The following ZYX variants were observed in gnomAD, a reference collection of about 807,000 sequenced individuals.
The protein encoded by ZYX is zyxin.
In ZYX, 37 loss-of-function variants were observed where a neutral mutation model predicts 58.1. The ratio of observed to expected loss-of-function variants is 0.64; its 90% CI spans 0.49 to 0.84. ZYX has a LOEUF of 0.84. Among genes scored for constraint, ZYX ranks in the 40% least tolerant of loss-of-function variants. The probability of loss-of-function intolerance (pLI) is 0.00; values close to 1 mark genes in which losing one functional copy is unlikely to be tolerated. For synonymous variants in ZYX, 324 were observed against 321.1 expected, an observed-to-expected ratio of 1.01 and a Z score of -0.10; for missense variants, 762 against 761.6, an observed-to-expected ratio of 1.00 and a Z score of -0.01.
chr7:143,381,388 G>A lies in ZYX; in HGVS notation c.-37G>A, dbSNP rs1285884397. 1.7e-6 allele frequency: 2 copies of A among 1,184,548 alleles called. No individual in the cohort carries two copies. Among genetic ancestry groups the A allele is most frequent in the Non-Finnish European group, 2.1e-6 (2 of 955,816 alleles). 73.4% of individuals were successfully genotyped at this position (1,184,548 alleles called of 1,614,324 possible). ...GCGCCGAGGCGGCCACCCGAGACGC[G>A]GCGCGCACGCTCCGGCCTGCGGTGA... On this transcript the variant is annotated 5_prime_UTR_variant, in exon 1 of 10. Transcript: ENST00000322764.
At position 143,387,842 on chromosome 7, in the gene ZYX, C is replaced by T. The variant is rs1348510331; in HGVS notation, c.1024-377C>T. Reference sequence around the variant, plus strand: ...ATTGCGTGCCCCTGTCCCATGGGGGCGATGTCCGAGCATGCTCTGTGGAGT... The same window carrying T: ...ATTGCGTGCCCCTGTCCCATGGGGGTGATGTCCGAGCATGCTCTGTGGAGT... On this transcript the variant is annotated intron_variant, in intron 5 of 9. Transcript: ENST00000322764. This position sits in a 1 kb window ranked among gnomAD's most constrained non-coding sequence, Gnocchi z 5.8. 2.5e-5 allele frequency: 12 copies of T among 482,764 alleles called. No individual in the cohort carries two copies. The highest frequency in any genetic ancestry group is 9.3e-5 in the South Asian group (6 of 64,640). 29.9% of individuals were successfully genotyped at this position (482,764 alleles called of 1,614,324 possible). A position where few individuals can be genotyped will look rare whatever the true frequency, so the allele number is the denominator to read the frequency against.
Position 143,388,532 on chromosome 7 carries a change from A to T in ZYX, c.1188A>T (p.Pro396=). The T allele has an allele frequency of 6.2e-7, 1 of 1,610,646 alleles. No homozygotes were observed. Among genetic ancestry groups the T allele is most frequent in the Non-Finnish European group, 8.5e-7 (1 of 1,179,920 alleles). Residue 396 remains proline (P), a synonymous_variant, in exon 7 of 10, where the codon CCA becomes CCT. Transcript: ENST00000322764. The surrounding 1 kb of genome is among the most constrained non-coding windows in gnomAD (Gnocchi z 7.5). ...ATCAACCCCTGGCCCGGGCGCAGCC[A>T]GCCGTCCGCGCTCTAGGGCAGCTGT... is the stretch of plus-strand genomic sequence containing the variant. The part of the protein sequence containing the change: ...RCHQPLARAQ[P]AVRALGQLFH...
At position 143,388,877 on chromosome 7, in the gene ZYX, C is replaced by G. The variant is rs1289894540; in HGVS notation, c.1425C>G (p.Arg475=). ...PHCFTCVVCA[R]PLEGTSFIVD... The stretch of plus-strand genomic sequence containing the variant: ...GCTTCACCTGTGTGGTCTGCGCCCG[C>G]CCCCTGGAGGGCACCTCCTTCATCG... The change falls in exon 8 of 10, where the codon CGC becomes CGG. Residue 475 remains arginine, a synonymous_variant. Transcript: ENST00000322764. This position sits in a 1 kb window ranked among gnomAD's most constrained non-coding sequence, Gnocchi z 7.5. 6.2e-7 allele frequency: 1 copy of G among 1,613,850 alleles called. No individual in the cohort carries two copies.
rs1370038200 is a variant in ZYX, at chr7:143,388,800, C to G, written c.1348C>G (p.Pro450Ala). The change falls in exon 8 of 10, where the codon CCC becomes GCC. Residue 450 changes from proline (P) to alanine (A), a missense_variant. Physicochemically the swap from Pro to Ala is conservative, Grantham distance 27 (BLOSUM62 -1). Transcript: ENST00000322764. The surrounding 1 kb of genome is among the most constrained non-coding windows in gnomAD (Gnocchi z 7.5). ...GGAGAAGTGTAACACCTGCGGGGAG[C>G]CCATCACTGACCGCATGCTGAGGGC... ...TLEKCNTCGE[P>A]ITDRMLRATG... The G allele has an allele frequency of 1.2e-6, 2 of 1,614,018 alleles. No individual in the cohort carries two copies. The highest frequency in any genetic ancestry group is 1.7e-6 in the Non-Finnish European group (2 of 1,179,956).
chr7:143,388,445 A>T lies in ZYX; in HGVS notation c.1145-44A>T, dbSNP rs1214894641. 6.2e-7 allele frequency: 1 copy of T among 1,606,636 alleles called. No homozygotes were observed. The highest frequency in any genetic ancestry group is 8.5e-7 in the Non-Finnish European group (1 of 1,174,960). On this transcript the variant is annotated intron_variant, in intron 6 of 9. Transcript: ENST00000322764. This position sits in a 1 kb window ranked among gnomAD's most constrained non-coding sequence, Gnocchi z 7.5. ...GAGCTGGCTGATCCCTCGCAGCTCT[A>T]CATACTTCCTTCTATTTACTGCTGT...
chr7:143,387,811 C>T lies in ZYX; in HGVS notation c.1024-408C>T. On this transcript the variant is annotated intron_variant, in intron 5 of 9. Coordinates refer to ENST00000322764, the MANE Select transcript of ZYX (RefSeq NM_003461.5). The surrounding 1 kb of genome is among the most constrained non-coding windows in gnomAD (Gnocchi z 5.8). ...GGGTAGGTGTGTGTGCGCGTGTGTG[C>T]ACGCCATTGCGTGCCCCTGTCCCAT... 1 of 475,764 alleles carries T rather than the reference C, an allele frequency of 2.1e-6. No homozygotes were observed. Among genetic ancestry groups the T allele is most frequent in the Non-Finnish European group, 4.3e-6 (1 of 230,366 alleles). 29.5% of individuals were successfully genotyped at this position (475,764 alleles called of 1,614,324 possible).
In ZYX at chr7:143,383,036, C is replaced by G; in HGVS notation, c.737C>G (p.Ser246Cys). 6.2e-7 allele frequency: 1 copy of G among 1,614,138 alleles called. No homozygotes were observed. The highest frequency in any genetic ancestry group is 8.5e-7 in the Non-Finnish European group (1 of 1,180,010). ...LHVQSQTQPV[S>C]LANTQPRGPP... is the part of the protein sequence containing the mutation. ...GTCCAGTCCCAGACCCAGCCTGTGTCTTTGGCTAACACCCAGCCCCGAGGG... is the reference window on the plus strand; with the variant it reads ...GTCCAGTCCCAGACCCAGCCTGTGTGTTTGGCTAACACCCAGCCCCGAGGG... Residue 246 changes from serine (S) to cysteine (C), a missense_variant, in exon 5 of 10, where the codon TCT becomes TGT. Coordinates refer to ENST00000322764, the MANE Select transcript of ZYX (RefSeq NM_003461.5).
chr7:143,382,235 C>T lies in ZYX; in HGVS notation c.209-13C>T, dbSNP rs1563105686. 2 of 1,610,850 alleles carry T rather than the reference C, an allele frequency of 1.2e-6. No homozygotes were observed. The highest frequency in any genetic ancestry group is 1.1e-5 in the South Asian group (1 of 90,838). ...AGGGACCCCGGCCGACGTCTTTCTC[C>T]TTCCTACCCCAGACTTTCCCCTGCC... On this transcript the variant is annotated splice_polypyrimidine_tract_variant and intron_variant, in intron 2 of 9. Transcript: ENST00000322764.
Position 143,381,396 on chromosome 7 carries a change from C to T in ZYX, c.-29C>T. On this transcript the variant is annotated 5_prime_UTR_variant, in exon 1 of 10. It adds an upstream start codon to the 5' untranslated region. Transcript: ENST00000322764. ...GCGGCCACCCGAGACGCGGCGCGCA[C>T]GCTCCGGCCTGCGGTGAGGCGCGGG... 1.2e-5 allele frequency: 14 copies of T among 1,193,132 alleles called. No individual in the cohort carries two copies. The highest frequency in any genetic ancestry group is 4.0e-5 in the South Asian group (1 of 25,028). 73.9% of individuals were successfully genotyped at this position (1,193,132 alleles called of 1,614,324 possible).
rs71528913 is a variant in ZYX at position 143,388,545 on chromosome 7, C to G, written c.1201C>G (p.Leu401Val). 4.0e-5 allele frequency: 65 copies of G among 1,611,348 alleles called. No individual in the cohort carries two copies. In the Middle Eastern group the frequency reaches 6.6e-4, roughly 16 times the overall value. ...CCGGGCGCAGCCAGCCGTCCGCGCT[C>G]TAGGGCAGCTGTTCCACATCGCCTG... The part of the protein sequence containing the change: ...LARAQPAVRA[L>V]GQLFHIACFT... The change falls in exon 7 of 10, where the codon CTA (leucine) becomes GTA (valine). Residue 401 changes from leucine to valine, a missense_variant. Leu to Val is a conservative substitution (Grantham distance 32, BLOSUM62 1). Transcript: ENST00000322764. This position sits in a 1 kb window ranked among gnomAD's most constrained non-coding sequence, Gnocchi z 7.5.
chr7:143,390,778 C>T lies in ZYX; in HGVS notation c.*96C>T, dbSNP rs1383140905. ...CCCACCTCAGTTATTGTTTTGATGT[C>T]TAGCCCCTCCCATTTCCAACCCCTC... On this transcript the variant is annotated 3_prime_UTR_variant, in exon 10 of 10. Transcript: ENST00000322764. This position sits in a 1 kb window ranked among gnomAD's most constrained non-coding sequence, Gnocchi z 4.3. The T allele has an allele frequency of 1.1e-6, 1 of 946,596 alleles. No individual in the cohort carries two copies. The highest frequency in any genetic ancestry group is 1.6e-6 in the Non-Finnish European group (1 of 614,762). 58.6% of individuals were successfully genotyped at this position (946,596 alleles called of 1,614,324 possible). A position where few individuals can be genotyped will look rare whatever the true frequency, so the allele number is the denominator to read the frequency against.
In ZYX at chr7:143,388,619, C is replaced by T; in HGVS notation, c.1275C>T (p.Tyr425=). ...AGCAGCTCCAGGGCCAGCAGTTCTA[C>T]AGTCTGGAGGGGGCGCCGTACTGCG... ...CAQQLQGQQF[Y]SLEGAPYCEG... Residue 425 remains tyrosine, a synonymous_variant, in exon 7 of 10, where the codon TAC becomes TAT. Transcript: ENST00000322764. The surrounding 1 kb of genome is among the most constrained non-coding windows in gnomAD (Gnocchi z 7.5). 6.2e-7 allele frequency: 1 copy of T among 1,613,530 alleles called. No homozygotes were observed. The highest frequency in any genetic ancestry group is 8.5e-7 in the Non-Finnish European group (1 of 1,179,978).
Position 143,389,807 on chromosome 7 carries a change from C to G in ZYX, c.1494-50C>G. 2 of 1,607,086 alleles carry G rather than the reference C, an allele frequency of 1.2e-6. No individual in the cohort carries two copies. On this transcript the variant is annotated intron_variant, in intron 8 of 9. Transcript: ENST00000322764. The surrounding 1 kb of genome is among the most constrained non-coding windows in gnomAD (Gnocchi z 5.6). ...CAACCTGGCTTATGCGTGCGCACACCGGGGATGAAAGCCCTGGCTAACTCG... is the reference window on the plus strand; with the variant it reads ...CAACCTGGCTTATGCGTGCGCACACGGGGGATGAAAGCCCTGGCTAACTCG...
Position 143,383,224 on chromosome 7 carries a change from C to G in ZYX, c.925C>G (p.Pro309Ala). The G allele has an allele frequency of 3.7e-6, 6 of 1,614,162 alleles. No individual in the cohort carries two copies. The South Asian group carries it at 5.5e-5, about 15-fold the overall frequency. ...AGCTCTTTCTGCTGGCACAGGCTCCCCTCAACCTCCCAGCTTCACCTATGC... is the reference window on the plus strand; with the variant it reads ...AGCTCTTTCTGCTGGCACAGGCTCCGCTCAACCTCCCAGCTTCACCTATGC... ...PEALSAGTGS[P>A]QPPSFTYAQQ... is the part of the protein sequence containing the mutation. The change falls in exon 5 of 10, where the codon CCT (proline) becomes GCT (alanine). Residue 309 changes from proline (P) to alanine (A), a missense_variant. Pro to Ala is a conservative substitution (Grantham distance 27). Coordinates refer to ENST00000322764, the MANE Select transcript of ZYX (RefSeq NM_003461.5).
intron 5 of ZYX, among the ~76,000 whole-genome samples, chr7:143,386,351 G>A (rs1359031501): frequency 6.6e-6 from 1 of 152,030 alleles, no homozygotes. Flanking sequence ...AGCTTAAGCT[G>A]GCTGGCTTCC....
At position 143,390,184 on chromosome 7, in the gene ZYX, G is replaced by A; in HGVS notation, c.1614+207G>A. ...GCTGTGGGGCTTCTGAGGTCACTTT[G>A]AGTCATGGATAAGCCAAGAAATGGG... On this transcript the variant is annotated intron_variant, in intron 9 of 9. Coordinates refer to ENST00000322764, the MANE Select transcript of ZYX (RefSeq NM_003461.5). The surrounding 1 kb of genome is among the most constrained non-coding windows in gnomAD (Gnocchi z 4.3). The A allele has an allele frequency of 6.1e-6, 4 of 656,340 alleles. No homozygotes were observed. Among genetic ancestry groups the A allele is most frequent in the South Asian group, 3.9e-5 (2 of 51,942 alleles). 40.7% of individuals were successfully genotyped at this position (656,340 alleles called of 1,614,324 possible). A position where few individuals can be genotyped will look rare whatever the true frequency, so the allele number is the denominator to read the frequency against.
At position 143,390,576 on chromosome 7, in the gene ZYX, AGGACTGCG is replaced by A; in HGVS notation, c.1617_1624del (p.Asp539GlufsTer6). The A allele has an allele frequency of 6.4e-7, 1 of 1,560,950 alleles. No homozygotes were observed. Among genetic ancestry groups the A allele is most frequent in the Non-Finnish European group, 8.7e-7 (1 of 1,151,588 alleles). ...GTGCCCCTCACCCTTCCTTCTTCCC[AGGACTGCG>A]GGAAGCCCCTGTCGATTGAGGCAGA... On this transcript the variant is annotated splice_acceptor_variant and coding_sequence_variant, in exon 10 of 10. Coordinates refer to ENST00000322764, the MANE Select transcript of ZYX (RefSeq NM_003461.5). LOFTEE classifies it high-confidence loss of function. This position sits in a 1 kb window ranked among gnomAD's most constrained non-coding sequence, Gnocchi z 4.3.
Position 143,390,277 on chromosome 7 carries a change from A to C in ZYX, c.1614+300A>C. Reference sequence around the variant, plus strand: ...GTAGGGGATGGGGAAACAGGAGCTGAGAGAAGAGGTCTTCGAATGGAGGTG... The same window carrying C: ...GTAGGGGATGGGGAAACAGGAGCTGCGAGAAGAGGTCTTCGAATGGAGGTG... On this transcript the variant is annotated intron_variant, in intron 9 of 9. Coordinates refer to ENST00000322764, the MANE Select transcript of ZYX (RefSeq NM_003461.5). The surrounding 1 kb of genome is among the most constrained non-coding windows in gnomAD (Gnocchi z 4.3). 1.8e-6 allele frequency: 1 copy of C among 545,290 alleles called. No individual in the cohort carries two copies. The highest frequency in any genetic ancestry group is 3.3e-6 in the Non-Finnish European group (1 of 303,210). 33.8% of individuals were successfully genotyped at this position (545,290 alleles called of 1,614,324 possible).
Position 143,390,282 on chromosome 7 carries a change from A to G in ZYX, c.1615-296A>G. On this transcript the variant is annotated intron_variant, in intron 9 of 9. Transcript: ENST00000322764. The surrounding 1 kb of genome is among the most constrained non-coding windows in gnomAD (Gnocchi z 4.3). Reference sequence around the variant, plus strand: ...GGATGGGGAAACAGGAGCTGAGAGAAGAGGTCTTCGAATGGAGGTGAGCCA... The same window carrying G: ...GGATGGGGAAACAGGAGCTGAGAGAGGAGGTCTTCGAATGGAGGTGAGCCA... 1 of 545,914 alleles carries G rather than the reference A, an allele frequency of 1.8e-6. No individual in the cohort carries two copies. 33.8% of individuals were successfully genotyped at this position (545,914 alleles called of 1,614,324 possible). A position where few individuals can be genotyped will look rare whatever the true frequency, so the allele number is the denominator to read the frequency against.
Sources: gnomAD v4.1 joint callset for allele counts (sites outside exome capture counted in the v4.1 genomes callset) on GRCh38, gnomAD v4.1.1 for gene constraint, Gnocchi (gnomAD v3.1) non-coding constraint, MANE v1.5 for transcripts, NCBI Gene and HGNC (gene_info 2026-07-23, HGNC 2026-07-21) for gene names.